The following DPYSL3 variants were observed in gnomAD, a reference collection of about 807,000 sequenced individuals.
The protein encoded by DPYSL3 is dihydropyrimidinase-related protein 3.
A neutral mutation model predicts 66.1 loss-of-function variants in DPYSL3; 16 were observed. The ratio of observed to expected loss-of-function variants is 0.24; its 90% CI spans 0.16 to 0.37. The LOEUF is 0.37. Ranked by LOEUF, DPYSL3 falls within the 10% of genes least tolerant of loss-of-function variation. The pLI is 1.00. For missense variants in DPYSL3, 738 were observed against 916.2 expected, an observed-to-expected ratio of 0.81 and a Z score of 2.51; for synonymous variants, 338 against 345.1, an observed-to-expected ratio of 0.98 and a Z score of 0.23.
intron 13 of DPYSL3, among the ~76,000 whole-genome samples, chr5:147,395,139 T>C (rs1381242156): frequency 6.6e-6 from 1 of 152,244 alleles, no homozygotes; most frequent in African/African-American, 2.4e-5. Flanking sequence ...AAATCCTAGG[T>C]TAGAAGACGC....
chr5:147,430,529 A>G lies in DPYSL3; in HGVS notation c.382-5566T>C, dbSNP rs144955574. ...GGTCTCAAAAAAAAAAAAAAAGAAA[A>G]AAAAGGAAAAAGAAAAAAGAAAGGA... is the stretch of plus-strand genomic sequence containing the variant. On this transcript the variant is annotated intron_variant, in intron 1 of 13. Transcript: ENST00000343218. Among the ~76,000 whole-genome samples, 109 of 151,778 alleles carry G rather than the reference A, an allele frequency of 7.2e-4. No homozygotes were observed. In the East Asian group the frequency reaches 9.1e-3, roughly 13 times the overall value.
Position 147,413,958 on chromosome 5 carries a change from G to A in DPYSL3, c.821-301C>T, listed in dbSNP as rs192715118. ...GTCAATAAACTTTGTTATTGCTCAA[G>A]GCAGTAGTAGGTGGCATTAAGAATC... On this transcript the variant is annotated intron_variant, in intron 4 of 13. Transcript: ENST00000343218. Among the ~76,000 whole-genome samples the A allele has an allele frequency of 6.6e-5, 10 of 152,266 alleles. No individual in the cohort carries two copies. The East Asian group carries it at 1.9e-3, about 29-fold the overall frequency.
chr5:147,456,273 C>T (rs564372579), intron 1 of DPYSL3, among the ~76,000 whole-genome samples: 1 of 152,296 alleles, frequency 6.6e-6, no homozygotes, highest in East Asian at 1.9e-4. Context: ...AGAATGGAAC[C>T]AGTATGGATG....
intron 1 of DPYSL3, among the ~76,000 whole-genome samples, chr5:147,459,265 A>G (rs1264019953): frequency 6.6e-6 from 1 of 152,148 alleles, no homozygotes; most frequent in African/African-American, 2.4e-5. Flanking sequence ...ATGAGAAAAC[A>G]TTTGCCCCTT....
Position 147,501,698 on chromosome 5 carries a change from C to G in DPYSL3, c.381+7780G>C, listed in dbSNP as rs1021890225. Among the ~76,000 whole-genome samples, 6 of 151,934 alleles carry G rather than the reference C, an allele frequency of 3.9e-5. No individual in the cohort carries two copies. The East Asian group carries it at 9.7e-4, about 24-fold the overall frequency. On this transcript the variant is annotated intron_variant, in intron 1 of 13. Coordinates refer to ENST00000343218, the MANE Select transcript of DPYSL3 (RefSeq NM_001197294.2). ...TTTGCCATGTTGGACAGGCTGGTCT[C>G]GAACTCCTGACCTGAGGTGATCCAC...
chr5:147,498,901 G>A (rs1311041926), intron 1 of DPYSL3, among the ~76,000 whole-genome samples: 1 of 151,902 alleles, frequency 6.6e-6, no homozygotes, highest in Non-Finnish European at 1.5e-5. Flanking sequence ...AGTTTCTTTT[G>A]CTGTGCAGAA....
intron 1 of DPYSL3, among the ~76,000 whole-genome samples, chr5:147,454,741 C>G (rs984178877): frequency 8.5e-5 from 13 of 152,054 alleles, no homozygotes; most frequent in African/African-American, 2.9e-4. Context: ...GGCTGACAGA[C>G]GAAGGTTTAT....
intron 1 of DPYSL3, among the ~76,000 whole-genome samples, chr5:147,484,529 GT>G (rs1753298591): frequency 6.6e-6 from 1 of 152,154 alleles, no homozygotes; most frequent in Non-Finnish European, 1.5e-5. Flanking sequence ...CCTATCAACA[GT>G]AACAAACAAT....
intron 1 of DPYSL3, chr5:147,453,493 A>G: frequency 6.7e-7 from 1 of 1,502,288 alleles, no homozygotes; most frequent in African/African-American, 1.4e-5. Flanking sequence ...CCCCGCCCGC[A>G]GCGCAGCGGA....
chr5:147,479,754 C>T (rs1581212648), intron 1 of DPYSL3, among the ~76,000 whole-genome samples: 1 of 152,100 alleles, frequency 6.6e-6, no homozygotes. Context: ...GCCTGATAAT[C>T]CCTGAAGCAA....
intron 1 of DPYSL3, among the ~76,000 whole-genome samples, chr5:147,452,981 T>C (rs1221655620): frequency 6.6e-6 from 1 of 151,064 alleles, no homozygotes; most frequent in Non-Finnish European, 1.5e-5. Flanking sequence ...CCATAAACGA[T>C]ACATTGAAAC....
Position 147,482,759 on chromosome 5 carries a change from G to T in DPYSL3, c.381+26719C>A, listed in dbSNP as rs557093548. 2.0e-5 allele frequency among the ~76,000 whole-genome samples: 3 copies of T among 152,298 alleles called. No homozygotes were observed. The South Asian group carries it at 6.2e-4, about 32-fold the overall frequency. ...GTTGTATTAGTCTGTTTTCACATTG[G>T]TATAAAGATACTGCCTTAGACTGGG... On this transcript the variant is annotated intron_variant, in intron 1 of 13. Coordinates refer to ENST00000343218, the MANE Select transcript of DPYSL3 (RefSeq NM_001197294.2).
At chr5:147,420,145 G>A (rs1752050030) in intron 2 of DPYSL3, among the ~76,000 whole-genome samples, 1 of 152,196 alleles carries the variant, frequency 6.6e-6, no homozygotes, top group African/African-American at 2.4e-5. Context: ...GAGACTGGAT[G>A]TGGGCTATCT....
At chr5:147,439,840 C>T (rs1024475210) in intron 1 of DPYSL3, among the ~76,000 whole-genome samples, 4 of 152,194 alleles carry the variant, frequency 2.6e-5, no homozygotes, top group African/African-American at 7.2e-5. Flanking sequence ...CTGTTGAAAA[C>T]AATGCCTGTC....
chr5:147,427,070 A>T (rs1175919797), intron 1 of DPYSL3, among the ~76,000 whole-genome samples: 1 of 152,184 alleles, frequency 6.6e-6, no homozygotes, highest in African/African-American at 2.4e-5. Flanking sequence ...TTGTCACATT[A>T]TCAGGCTCTC....
chr5:147,505,078 A>T (rs1255326406), intron 1 of DPYSL3, among the ~76,000 whole-genome samples: 2 of 152,250 alleles, frequency 1.3e-5, no homozygotes, highest in African/African-American at 4.8e-5. Context: ...TAAGCCAACC[A>T]TAGAGGATTT....
intron 1 of DPYSL3, among the ~76,000 whole-genome samples, chr5:147,452,292 C>T (rs1202084626): frequency 2.0e-5 from 3 of 152,144 alleles, no homozygotes; most frequent in African/African-American, 7.2e-5. Context: ...CAGACTCATG[C>T]CCACAACAAA....
At position 147,401,638 on chromosome 5, in the gene DPYSL3, A is replaced by G. The variant is rs773674068; in HGVS notation, c.1212T>C (p.Tyr404=). The change falls in exon 9 of 14, where the codon TAT becomes TAC. Residue 404 remains tyrosine, a synonymous_variant. Transcript: ENST00000343218. ...CCGCCTTGGCCCAGTTCTTGCTCCA[A>G]TAATGGGTTCCATCTATGCCGAGGC... is the stretch of plus-strand genomic sequence containing the variant. ...TASLGIDGTH[Y]WSKNWAKAAA... is the part of the protein sequence containing the mutation. 9 of 1,614,044 alleles carry G rather than the reference A, an allele frequency of 5.6e-6. No homozygotes were observed. The highest frequency in any genetic ancestry group is 8.5e-7 in the Non-Finnish European group (1 of 1,180,046).
intron 1 of DPYSL3, among the ~76,000 whole-genome samples, chr5:147,461,377 A>T (rs1752928978): frequency 1.3e-5 from 2 of 152,102 alleles, no homozygotes; most frequent in Non-Finnish European, 2.9e-5. Context: ...TGTAAATCAG[A>T]CACCGCCTCC....
Sources: gnomAD v4.1 joint callset for allele counts (sites outside exome capture counted in the v4.1 genomes callset) on GRCh38, gnomAD v4.1.1 for gene constraint, MANE v1.5 for transcripts, NCBI Gene and HGNC (gene_info 2026-07-23, HGNC 2026-07-21) for gene names.